TLL2: variants seen among roughly 807,000 people sequenced by gnomAD.
TLL2 encodes the protein tolloid like 2, also known as tolloid-like protein 2.
In TLL2, 106 loss-of-function variants were observed where a neutral mutation model predicts 123.0. That is an observed-to-expected ratio of 0.86 (90% CI 0.74 to 1.01). The LOEUF (loss-of-function observed/expected upper bound fraction) is 1.01, where lower values mean the gene tolerates loss of function less well. Among genes scored for constraint, TLL2 ranks in the 50% least tolerant of loss-of-function variants. The probability of loss-of-function intolerance (pLI) is 0.00; values close to 1 mark genes in which losing one functional copy is unlikely to be tolerated. For synonymous variants in TLL2, 494 were observed against 516.8 expected (o/e 0.96, Z 0.60); for missense variants, 1,332 against 1,336.7 (o/e 1.00, Z 0.06).
chr10:96,476,241 T>TATATATATATA (rs1554939631), intron 2 of TLL2, among the ~76,000 whole-genome samples: 833 of 71,838 alleles, frequency 0.012, 46 homozygotes, highest in Non-Finnish European at 0.017. Flanking sequence ...TATATATATA[T>TATATATATATA]TTTATTTTTG....
intron 1 of TLL2, among the ~76,000 whole-genome samples, chr10:96,482,778 C>T (rs1168297485): frequency 1.3e-5 from 2 of 152,090 alleles, no homozygotes; most frequent in Admixed American, 1.3e-4. Context: ...ACTAAAATCG[C>T]ATGTACACTT....
chr10:96,497,118 TA>T (rs746284130), intron 1 of TLL2, among the ~76,000 whole-genome samples: 747 of 139,674 alleles, frequency 5.3e-3, no homozygotes, highest in Admixed American at 4.4e-3. Flanking sequence ...CTGTCTCTGC[TA>T]AAAAAAAAAA....
chr10:96,387,000 G>GT lies in TLL2; in HGVS notation c.1804_1805insA (p.Ala602AspfsTer3), dbSNP rs1344947728. On this transcript the variant is annotated frameshift_variant, in exon 14 of 21. Coordinates refer to ENST00000357947, the MANE Select transcript of TLL2 (RefSeq NM_012465.4). LOFTEE classifies it high-confidence loss of function. Reference sequence around the variant, plus strand: ...GGCCAGCTCGTAGCCAGGGTCACAGGCACACTTGTAGCTGCCCAGCGTGTT... The same window carrying GT: ...GGCCAGCTCGTAGCCAGGGTCACAGGTCACACTTGTAGCTGCCCAGCGTGTT... 6.2e-7 allele frequency: 1 copy of GT among 1,613,942 alleles called. No homozygotes were observed. Among genetic ancestry groups the GT allele is most frequent in the South Asian group, 1.1e-5 (1 of 91,080 alleles).
intron 13 of TLL2, among the ~76,000 whole-genome samples, chr10:96,394,596 T>C (rs908360265): frequency 4.6e-5 from 7 of 152,174 alleles, no homozygotes; most frequent in Admixed American, 4.6e-4. Flanking sequence ...GGTAAGCATG[T>C]AGTCTAGGGG....
intron 10 of TLL2, among the ~76,000 whole-genome samples, chr10:96,403,890 A>T (rs1216445558): frequency 6.6e-6 from 1 of 152,090 alleles, no homozygotes; most frequent in Non-Finnish European, 1.5e-5. Context: ...CTGCCTTGTT[A>T]TTCTTTACTC....
chr10:96,480,269 G>T, intron 2 of TLL2, 80 bp downstream of exon 2: 2 of 1,167,438 alleles, frequency 1.7e-6, no homozygotes, highest in South Asian at 2.6e-5. Flanking sequence ...AAACACCGAT[G>T]ACTCGTGGAC....
At chr10:96,390,979 TATC>T (rs1296648061) in intron 13 of TLL2, among the ~76,000 whole-genome samples, 1 of 152,220 alleles carries the variant, frequency 6.6e-6, no homozygotes, top group East Asian at 1.9e-4. Flanking sequence ...TAAATAAAAA[TATC>T]ATTGAAATCA....
intron 2 of TLL2, among the ~76,000 whole-genome samples, chr10:96,446,753 T>C (rs909455161): frequency 5.9e-5 from 9 of 152,228 alleles, no homozygotes; most frequent in African/African-American, 2.2e-4. Flanking sequence ...GTGATGCTTG[T>C]ACGTGTTTGC....
chr10:96,396,200 T>C (rs1846338366), intron 11 of TLL2, among the ~76,000 whole-genome samples, 180 bp from the exon 12 acceptor site: 1 of 151,384 alleles, frequency 6.6e-6, no homozygotes. Context: ...CATTTGTCTT[T>C]AACTCTGAAT....
rs1846017649 is a variant in TLL2, at chr10:96,365,662, CT to C, written c.*2425del. On this transcript the variant is annotated 3_prime_UTR_variant, in exon 21 of 21. Transcript: ENST00000357947. Reference sequence around the variant, plus strand: ...CACCAAGGCAGAGGCCTGGGACTTTCTGCTGAATGGACTCTCTCTAGTGAAG... The same window carrying C: ...CACCAAGGCAGAGGCCTGGGACTTTCGCTGAATGGACTCTCTCTAGTGAAG... 1.3e-5 allele frequency: 2 copies of C among 152,282 alleles called. No homozygotes were observed. Among genetic ancestry groups the C allele is most frequent in the Admixed American group, 6.5e-5 (1 of 15,288 alleles). 9.4% of individuals were successfully genotyped at this position (152,282 alleles called of 1,614,324 possible).
At chr10:96,376,625 G>A (rs1846139788) in intron 18 of TLL2, 67 bp downstream of exon 18, 2 of 1,558,160 alleles carry the variant, frequency 1.3e-6, no homozygotes, top group Non-Finnish European at 1.7e-6. Context: ...TGGCAGAGCA[G>A]AGACTCAAAC....
In TLL2 at chr10:96,432,823, A is replaced by G. The variant is rs1209585976; in HGVS notation, c.504T>C (p.Ile168=). 2 of 1,613,964 alleles carry G rather than the reference A, an allele frequency of 1.2e-6. No homozygotes were observed. ...IWPGGVIPYV[I]GGNFTGSQRA... is the part of the protein sequence containing the mutation. ...GCTACTGACCAGTGAAGTTCCCTCC[A>G]ATGACGTAGGGGATGACTCCTCCAG... The change falls in exon 4 of 21, where the codon ATT becomes ATC. Residue 168 remains isoleucine, a synonymous_variant. Coordinates refer to ENST00000357947, the MANE Select transcript of TLL2 (RefSeq NM_012465.4).
rs543672648 is a variant in TLL2 at position 96,386,971 on chromosome 10, C to T, written c.1834G>A (p.Asp612Asn). The T allele has an allele frequency of 1.1e-4, 182 of 1,614,100 alleles. No homozygotes were observed. The highest frequency in any genetic ancestry group is 1.0e-3 in the South Asian group (94 of 91,070). Residue 612 changes from aspartate to asparagine, a missense_variant, in exon 14 of 21, where the codon GAT (aspartate) becomes AAT (asparagine). Transcript: ENST00000357947. ...CACCAACCTTCACACATCTTCTTAT[C>T]GGCGGCCAGCTCGTAGCCAGGGTCA... is the stretch of plus-strand genomic sequence containing the variant. ...ACDPGYELAA[D>N]KKMCEVACGG... is the part of the protein sequence containing the mutation.
At chr10:96,484,030 G>T (rs1377686413) in intron 1 of TLL2, among the ~76,000 whole-genome samples, 1 of 152,206 alleles carries the variant, frequency 6.6e-6, no homozygotes, top group East Asian at 1.9e-4. Flanking sequence ...TTTTAGTAGA[G>T]ATGGGGTTTC....
At chr10:96,497,016 C>T (rs1847483291) in intron 1 of TLL2, among the ~76,000 whole-genome samples, 1 of 152,046 alleles carries the variant, frequency 6.6e-6, no homozygotes, top group South Asian at 2.1e-4. Context: ...TGCAGTGGCT[C>T]ATGCCTGTAA....
rs578045138 is a variant in TLL2, at chr10:96,422,654, C to G, written c.712G>C (p.Gly238Arg). 3.1e-6 allele frequency: 5 copies of G among 1,614,226 alleles called. No homozygotes were observed. Among genetic ancestry groups the G allele is most frequent in the African/African-American group, 2.7e-5 (2 of 75,054 alleles). ...ISIGKNCDKF[G>R]IVAHELGHVV... ...TGGCCCAGCTCGTGAGCCACAATGC[C>G]AAACTTGTCACAGTTCTTCCCAATG... Residue 238 changes from glycine to arginine, a missense_variant, in exon 6 of 21, where the codon GGC (glycine) becomes CGC (arginine). Transcript: ENST00000357947.
chr10:96,400,706 G>A (rs1413482877), intron 10 of TLL2, among the ~76,000 whole-genome samples: 2 of 152,138 alleles, frequency 1.3e-5, no homozygotes, highest in African/African-American at 4.8e-5. Flanking sequence ...GGGAAAAAGG[G>A]CTTTTGTGTG....
At position 96,386,054 on chromosome 10, in the gene TLL2, C is replaced by T. The variant is rs138905030; in HGVS notation, c.2013+1G>A. On this transcript the variant is annotated splice_donor_variant, in intron 15 of 20. Transcript: ENST00000357947. LOFTEE classifies it high-confidence loss of function. ...CAATCAATTAGAGCATGGAGACATA[C>T]GTCATTGCCTTCCAGTTCAAACACT... is the stretch of plus-strand genomic sequence containing the variant. The T allele has an allele frequency of 3.8e-5, 60 of 1,592,174 alleles. No homozygotes were observed. Among genetic ancestry groups the T allele is most frequent in the Non-Finnish European group, 4.4e-5 (51 of 1,169,326 alleles).
intron 5 of TLL2, among the ~76,000 whole-genome samples, chr10:96,423,746 G>A (rs750608961): frequency 8.7e-4 from 133 of 152,228 alleles, no homozygotes; most frequent in Middle Eastern, 6.8e-3. Context: ...CCAAAATGTT[G>A]TCTGTTTATA....
Sources: allele counts gnomAD v4.1 joint callset (sites outside exome capture counted in the v4.1 genomes callset), GRCh38; gene constraint gnomAD v4.1.1; transcripts MANE v1.5; gene names NCBI Gene and HGNC (gene_info 2026-07-23, HGNC 2026-07-21).